The following DUSP19 variants were observed in gnomAD, a reference collection of about 807,000 sequenced individuals.
The protein encoded by DUSP19 is dual specificity phosphatase 19, also known as dual specificity protein phosphatase 19.
Under a neutral mutation model 16.6 loss-of-function variants are expected in DUSP19, and 14 were observed. The observed-to-expected ratio is 0.84, with a 90% confidence interval of 0.56 to 1.32. The LOEUF is 1.32. Ranked by LOEUF, DUSP19 falls within the 40% of genes most tolerant of loss-of-function variation. DUSP19 has a pLI of 0.00. For missense variants in DUSP19, 258 were observed against 255.9 expected (o/e 1.01, Z -0.06); for synonymous variants, 81 against 90.5 (o/e 0.90, Z 0.59).
intron 2 of DUSP19, among the ~76,000 whole-genome samples, chr2:183,084,855 G>T (rs766868836): frequency 9.9e-5 from 15 of 152,200 alleles, no homozygotes; most frequent in Non-Finnish European, 1.9e-4. Flanking sequence ...AGTGGAGATA[G>T]AATTAGATAG....
At chr2:183,090,258 A>T (rs957138339) in intron 3 of DUSP19, among the ~76,000 whole-genome samples, 7 of 152,148 alleles carry the variant, frequency 4.6e-5, no homozygotes, top group Non-Finnish European at 7.3e-5. Flanking sequence ...CTTTTTGCAT[A>T]CCGTTGCCAA....
chr2:183,092,679 T>C (rs1169830876), intron 3 of DUSP19, among the ~76,000 whole-genome samples: 1 of 151,654 alleles, frequency 6.6e-6, no homozygotes, highest in Non-Finnish European at 1.5e-5. Flanking sequence ...TTTGCTATTA[T>C]GAATAGTGCT....
Position 183,078,968 on chromosome 2 carries a change from C to A in DUSP19, c.35C>A (p.Ser12Tyr). The change falls in exon 1 of 4, where the codon TCC becomes TAC. Residue 12 changes from serine to tyrosine, a missense_variant. Coordinates refer to ENST00000354221, the MANE Select transcript of DUSP19 (RefSeq NM_080876.4). ...CTTAACCAGGAAATTAAAGCATTCT[C>A]CCGGAATAATCTCAGGAAGCAATGC... is the stretch of plus-strand genomic sequence containing the variant. ...YSLNQEIKAFSRNNLRKQCTR... is the reference protein window; with the variant it reads ...YSLNQEIKAFYRNNLRKQCTR... 1 of 1,614,110 alleles carries A rather than the reference C, an allele frequency of 6.2e-7. No homozygotes were observed. Among genetic ancestry groups the A allele is most frequent in the Non-Finnish European group, 8.5e-7 (1 of 1,180,028 alleles).
chr2:183,099,909 A>G lies in DUSP19; in HGVS notation c.*4251A>G, dbSNP rs1239007180. 6.6e-6 allele frequency: 1 copy of G among 151,630 alleles called. No individual in the cohort carries two copies. Among genetic ancestry groups the G allele is most frequent in the East Asian group, 1.9e-4 (1 of 5,156 alleles). The allele number at this position is 151,630 out of a possible 1,614,324, so 9.4% of individuals were successfully genotyped here. Reference sequence around the variant, plus strand: ...CTTCTTAGGAGGCTGAGGTAGGAGAATTGCTTGACCCTGGGAGGTGGAGGT... The same window carrying G: ...CTTCTTAGGAGGCTGAGGTAGGAGAGTTGCTTGACCCTGGGAGGTGGAGGT... On this transcript the variant is annotated 3_prime_UTR_variant, in exon 4 of 4. Transcript: ENST00000354221.
At chr2:183,080,286 A>G (rs918759515) in intron 1 of DUSP19, among the ~76,000 whole-genome samples, 6 of 152,228 alleles carry the variant, frequency 3.9e-5, no homozygotes, top group African/African-American at 1.2e-4. Context: ...TGCTTATGTC[A>G]TAGGATCCTC....
rs768626555 is a variant in DUSP19, at chr2:183,083,556, T to TA, written c.273+9dup. 6 of 1,609,904 alleles carry TA rather than the reference T, an allele frequency of 3.7e-6. No individual in the cohort carries two copies. The highest frequency in any genetic ancestry group is 1.3e-5 in the African/African-American group (1 of 74,752). On this transcript the variant is annotated splice_region_variant and intron_variant, in intron 2 of 3. Coordinates refer to ENST00000354221, the MANE Select transcript of DUSP19 (RefSeq NM_080876.4). ...TTGGATACACTGAAAAAGAATAAGGTAAAAAAATGCTTTAAGTCTGGCACC... is the reference window on the plus strand; with the variant it reads ...TTGGATACACTGAAAAAGAATAAGGTAAAAAAAATGCTTTAAGTCTGGCACC...
chr2:183,083,652 G>A, intron 2 of DUSP19, 98 bp downstream of exon 2: 1 of 975,172 alleles, frequency 1.0e-6, no homozygotes, highest in South Asian at 2.2e-5. Context: ...ATATTATGGA[G>A]TTTATTTGGT....
chr2:183,089,205 C>T (rs1400576764), intron 3 of DUSP19, among the ~76,000 whole-genome samples: 1 of 152,054 alleles, frequency 6.6e-6, no homozygotes, highest in African/African-American at 2.4e-5. Flanking sequence ...CAAGGTGGGA[C>T]GAGAAGCAAT....
intron 3 of DUSP19, among the ~76,000 whole-genome samples, chr2:183,093,007 G>A (rs950179113): frequency 6.6e-6 from 1 of 152,034 alleles, no homozygotes; most frequent in Non-Finnish European, 1.5e-5. Flanking sequence ...TGGCCATGCC[G>A]AAGTTTTAAT....
In DUSP19 at chr2:183,095,794, T is replaced by C. The variant is rs13399265; in HGVS notation, c.*136T>C. The C allele has an allele frequency of 0.62, 363,397 of 588,806 alleles. 118,419 individuals carry two copies. Among genetic ancestry groups the C allele is most frequent in the East Asian group, 0.91 (32,002 of 35,338 alleles). 36.5% of individuals were successfully genotyped at this position (588,806 alleles called of 1,614,324 possible). On this transcript the variant is annotated 3_prime_UTR_variant, in exon 4 of 4. Coordinates refer to ENST00000354221, the MANE Select transcript of DUSP19 (RefSeq NM_080876.4). ...TTTTTATGCATAAATGGAGGTCAAT[T>C]TGATTGTCCTGACCTACTGTATAAG...
At chr2:183,087,249 C>T in intron 3 of DUSP19, 57 bp downstream of exon 3, 1 of 1,460,878 alleles carries the variant, frequency 6.8e-7, no homozygotes, top group African/African-American at 1.4e-5. Context: ...AGTGTGGATC[C>T]ATTACCCAAT....
At chr2:183,083,340 G>A (rs2105497422) in intron 1 of DUSP19, 168 bp from the exon 2 acceptor site, 1 of 557,950 alleles carries the variant, frequency 1.8e-6, no homozygotes, top group East Asian at 3.0e-5. Context: ...TCAGAGTCCA[G>A]GAGTTTATGT....
intron 2 of DUSP19, among the ~76,000 whole-genome samples, chr2:183,086,339 G>T (rs1386441218): frequency 6.6e-6 from 1 of 152,010 alleles, no homozygotes; most frequent in East Asian, 1.9e-4. Flanking sequence ...TTTTTATATG[G>T]ATATTCACAG....
At chr2:183,079,254 C>A in intron 1 of DUSP19, 95 bp downstream of exon 1, 2 of 1,220,548 alleles carry the variant, frequency 1.6e-6, no homozygotes, top group Non-Finnish European at 2.3e-6. Context: ...GTATTATCAG[C>A]TATCCTGCCG....
intron 3 of DUSP19, among the ~76,000 whole-genome samples, chr2:183,092,500 TC>T (rs1428616678): frequency 6.6e-6 from 1 of 152,152 alleles, no homozygotes; most frequent in Admixed American, 6.6e-5. Flanking sequence ...TGTTTGGTTT[TC>T]TGTTCCTGCG....
At chr2:183,084,426 C>CA (rs58894579) in intron 2 of DUSP19, among the ~76,000 whole-genome samples, 18,884 of 136,608 alleles carry the variant, frequency 0.14, 1,523 homozygotes, top group African/African-American at 0.25. Context: ...GACTCTATCT[C>CA]AAAAAAAAAA....
chr2:183,087,246 A>C, intron 3 of DUSP19, 54 bp downstream of exon 3: 1 of 1,490,344 alleles, frequency 6.7e-7, no homozygotes. Flanking sequence ...GAAAGTGTGG[A>C]TCCATTACCC....
At chr2:183,093,415 G>A (rs17704684) in intron 3 of DUSP19, among the ~76,000 whole-genome samples, 7,622 of 152,214 alleles carry the variant, frequency 0.05, 247 homozygotes, top group Middle Eastern at 0.071. Flanking sequence ...GAAAGAGGCA[G>A]TCTTAGAACA....
chr2:183,096,979 A>T lies in DUSP19; in HGVS notation c.*1321A>T, dbSNP rs942459772. On this transcript the variant is annotated 3_prime_UTR_variant, in exon 4 of 4. Coordinates refer to ENST00000354221, the MANE Select transcript of DUSP19 (RefSeq NM_080876.4). ...TAAAGATTTTGATTTTTTCTTCAGAATATGGTATACTTAAAATTAATTAAT... is the reference window on the plus strand; with the variant it reads ...TAAAGATTTTGATTTTTTCTTCAGATTATGGTATACTTAAAATTAATTAAT... 1.3e-5 allele frequency: 2 copies of T among 151,522 alleles called. No individual in the cohort carries two copies. The highest frequency in any genetic ancestry group is 4.9e-5 in the African/African-American group (2 of 41,212). The allele number at this position is 151,522 out of a possible 1,614,324, so 9.4% of individuals were successfully genotyped here.
Sources: gnomAD v4.1 joint callset for allele counts (sites outside exome capture counted in the v4.1 genomes callset) on GRCh38, gnomAD v4.1.1 for gene constraint, MANE v1.5 for transcripts, NCBI Gene and HGNC (gene_info 2026-07-23, HGNC 2026-07-21) for gene names.